Variants in ITPR2 observed in about 807,000 individuals in gnomAD.
ITPR2 encodes inositol 1,4,5-trisphosphate receptor type 2.
Under a neutral mutation model 317.1 loss-of-function variants are expected in ITPR2, and 207 were observed. That is an observed-to-expected ratio of 0.65 (90% CI 0.58 to 0.73). The LOEUF is 0.73. Ranked by LOEUF, ITPR2 falls within the 30% of genes least tolerant of loss-of-function variation. The pLI is 0.00. For synonymous variants in ITPR2, 1,156 were observed against 1,149.1 expected (o/e 1.01, Z -0.12); for missense variants, 2,613 against 3,284.0 (o/e 0.80, Z 4.99).
chr12:26,521,075 T>C (rs1437286767), intron 37 of ITPR2, among the ~76,000 whole-genome samples: 2 of 152,198 alleles, frequency 1.3e-5, no homozygotes, highest in Non-Finnish European at 2.9e-5. Context: ...GTAGCTTCCT[T>C]TCTATGGTAT....
At chr12:26,632,138 C>A in intron 21 of ITPR2, 79 bp from the exon 22 acceptor site, 1 of 1,149,922 alleles carries the variant, frequency 8.7e-7, no homozygotes, top group South Asian at 2.0e-5. Context: ...TAGTCACAAC[C>A]ACACTGAAAA....
chr12:26,581,717 T>C (rs903181067), intron 32 of ITPR2, among the ~76,000 whole-genome samples: 1 of 152,196 alleles, frequency 6.6e-6, no homozygotes, highest in Admixed American at 6.5e-5. Flanking sequence ...TAATATAAAA[T>C]TGATCTTCCT....
chr12:26,832,572 C>T (rs960989620), intron 1 of ITPR2, 118 bp downstream of exon 1: 1 of 673,432 alleles, frequency 1.5e-6, no homozygotes, highest in Non-Finnish European at 2.4e-6. Flanking sequence ...CGGGCGCCGA[C>T]CCTGCCCGGC....
At chr12:26,710,919 C>T (rs1174104487) in intron 9 of ITPR2, among the ~76,000 whole-genome samples, 1 of 152,092 alleles carries the variant, frequency 6.6e-6, no homozygotes, top group African/African-American at 2.4e-5. Flanking sequence ...AATCAGATGC[C>T]CCATTCCAGT....
At chr12:26,626,415 A>G (rs1030809153) in intron 23 of ITPR2, among the ~76,000 whole-genome samples, 3 of 152,240 alleles carry the variant, frequency 2.0e-5, no homozygotes, top group African/African-American at 7.2e-5. Context: ...TCAGGTAGAG[A>G]GAAAGGGTTT....
chr12:26,530,425 A>G (rs2170978), intron 37 of ITPR2, among the ~76,000 whole-genome samples: 1 of 152,118 alleles, frequency 6.6e-6, no homozygotes, highest in Admixed American at 6.5e-5. Context: ...CATCATCTTC[A>G]GATGATACTG....
chr12:26,816,472 A>G (rs1206012811), intron 1 of ITPR2, among the ~76,000 whole-genome samples: 1 of 152,212 alleles, frequency 6.6e-6, no homozygotes, highest in African/African-American at 2.4e-5. Flanking sequence ...GTCGGAACCA[A>G]AAGCCCATGT....
intron 30 of ITPR2, among the ~76,000 whole-genome samples, chr12:26,598,040 A>G (rs1381381582): frequency 2.0e-5 from 3 of 152,220 alleles, no homozygotes; most frequent in Non-Finnish European, 4.4e-5. Context: ...CTTTGTGCAC[A>G]GAAACACTTC....
Position 26,580,138 on chromosome 12 carries a change from T to C in ITPR2, c.4398A>G (p.Thr1466=). The C allele has an allele frequency of 6.2e-7, 1 of 1,611,818 alleles. No homozygotes were observed. Among genetic ancestry groups the C allele is most frequent in the Non-Finnish European group, 8.5e-7 (1 of 1,178,634 alleles). ...VDMARVCNTT[T]DRKHADIFLE... ...AAAAGATGTCTGCATGTTTCCTGTC[T>C]GTAGTTGTGTTGCAAACCTGGAGAG... Residue 1466 remains threonine, a synonymous_variant, in exon 33 of 57, where the codon ACA becomes ACG. Coordinates refer to ENST00000381340, the MANE Select transcript of ITPR2 (RefSeq NM_002223.4).
intron 55 of ITPR2, among the ~76,000 whole-genome samples, chr12:26,369,027 A>G (rs1939101528): frequency 6.6e-6 from 1 of 152,190 alleles, no homozygotes; most frequent in African/African-American, 2.4e-5. Context: ...GATGTGCAGG[A>G]TGTAAAGGAA....
chr12:26,475,531 C>T (rs1045335283), intron 44 of ITPR2, 113 bp from the exon 45 acceptor site: 4 of 1,117,488 alleles, frequency 3.6e-6, no homozygotes, highest in African/African-American at 3.2e-5. Context: ...TATAAAAGGA[C>T]TCTAAATGAA....
At chr12:26,760,713 T>C (rs1176518867) in intron 2 of ITPR2, among the ~76,000 whole-genome samples, 3 of 152,208 alleles carry the variant, frequency 2.0e-5, no homozygotes, top group Non-Finnish European at 4.4e-5. Context: ...CTGTGGTAGA[T>C]GAGGAATCCT....
intron 2 of ITPR2, among the ~76,000 whole-genome samples, chr12:26,758,050 T>C (rs1468075902): frequency 5.3e-5 from 8 of 152,178 alleles, no homozygotes; most frequent in African/African-American, 1.9e-4. Context: ...TCCAAATTAC[T>C]AATCGAGGTG....
chr12:26,576,498 T>C (rs1166720234), intron 34 of ITPR2, among the ~76,000 whole-genome samples: 4 of 152,128 alleles, frequency 2.6e-5, no homozygotes, highest in East Asian at 1.9e-4. Context: ...CTAAAATCTT[T>C]AGGAGGAGCG....
At chr12:26,387,627 T>G in intron 54 of ITPR2, 33 bp from the exon 55 acceptor site, 1 of 1,598,152 alleles carries the variant, frequency 6.3e-7, no homozygotes, top group East Asian at 2.2e-5. Flanking sequence ...TATATGTAAT[T>G]CGTCATTTAA....
chr12:26,672,128 T>C (rs905111104), intron 13 of ITPR2, among the ~76,000 whole-genome samples: 5 of 152,122 alleles, frequency 3.3e-5, no homozygotes, highest in African/African-American at 1.2e-4. Context: ...ACTGTCAACA[T>C]TAGACAGATC....
intron 1 of ITPR2, among the ~76,000 whole-genome samples, chr12:26,814,666 GTTTTTTAATGCTTTAA>G (rs926327583): frequency 1.3e-5 from 2 of 152,050 alleles, no homozygotes; most frequent in African/African-American, 4.8e-5. Flanking sequence ...TCTTCAAAGT[GTTTTTTAATGCTTTAA>G]TTTTTTAAAA....
rs1039476700 is a variant in ITPR2 at position 26,715,586 on chromosome 12, T to G, written c.709-141A>C. 3 of 861,492 alleles carry G rather than the reference T, an allele frequency of 3.5e-6. No individual in the cohort carries two copies. The African/African-American group carries it at 5.1e-5, about 15-fold the overall frequency. The allele number at this position is 861,492 out of a possible 1,614,324, so 53.4% of individuals were successfully genotyped here. On this transcript the variant is annotated intron_variant, in intron 7 of 56. Coordinates refer to ENST00000381340, the MANE Select transcript of ITPR2 (RefSeq NM_002223.4). ...ATTTATTTAATGCTTATTTAAACAT[T>G]TAAAAATGTGGGGGGGAAATTCAGT...
At chr12:26,464,660 G>A (rs1942123806) in intron 45 of ITPR2, among the ~76,000 whole-genome samples, 1 of 152,226 alleles carries the variant, frequency 6.6e-6, no homozygotes, top group South Asian at 2.1e-4. Flanking sequence ...ACAGCACTAT[G>A]CACTGGGTGA....
Sources: gnomAD v4.1 joint callset for allele counts (sites outside exome capture counted in the v4.1 genomes callset) on GRCh38, gnomAD v4.1.1 for gene constraint, MANE v1.5 for transcripts, NCBI Gene and HGNC (gene_info 2026-07-23, HGNC 2026-07-21) for gene names.